The following C3orf49 variants were observed in gnomAD, a reference collection of about 807,000 sequenced individuals.
The protein encoded by C3orf49 is putative uncharacterized protein C3orf49.
A neutral mutation model predicts 13.3 loss-of-function variants in C3orf49; 27 were observed. The ratio of observed to expected loss-of-function variants is 2.02; its 90% CI spans 1.49 to 2.79. The LOEUF (loss-of-function observed/expected upper bound fraction) is 2.79. C3orf49 is among the 30% of genes most tolerant of loss of function. The probability of loss-of-function intolerance (pLI) is 0.00; values close to 1 mark genes in which losing one functional copy is unlikely to be tolerated. For missense variants in C3orf49, 242 were observed against 134.2 expected, an observed-to-expected ratio of 1.80 and a Z score of -3.97; for synonymous variants, 87 against 47.6, an observed-to-expected ratio of 1.83 and a Z score of -3.40.
the C3orf49 span, among the ~76,000 whole-genome samples, chr3:63,812,390 C>T: frequency 6.6e-6 from 1 of 152,168 alleles, no homozygotes; most frequent in Non-Finnish European, 1.5e-5. Flanking sequence ...GGTCCACGGG[C>T]CACACGTTGG....
chr3:63,798,665 T>C, the C3orf49 span, among the ~76,000 whole-genome samples: 23 of 152,152 alleles, frequency 1.5e-4, no homozygotes, highest in Non-Finnish European at 2.8e-4. Context: ...ATGAATATTG[T>C]AACCCAGTCA....
rs1020119136 is a variant in C3orf49, at chr3:63,819,555, C to G, written c.84C>G (p.Leu28=). ...GACAGTGCCGAAGATTCCAGCAACT[C>G]AAGAAGAAAAATGGCTCATTCAAAA... ...KVGQCRRFQQ[L]KKKNGSFKRK... is the part of the protein sequence containing the mutation. Residue 28 remains leucine, a synonymous_variant, in exon 1 of 7, where the codon CTC becomes CTG. Coordinates refer to ENST00000295896, the MANE Select transcript of C3orf49 (RefSeq NM_001355236.2). 1.3e-5 allele frequency: 9 copies of G among 703,320 alleles called. No individual in the cohort carries two copies. Among genetic ancestry groups the G allele is most frequent in the Non-Finnish European group, 2.1e-5 (8 of 385,038 alleles). The allele number at this position is 703,320 out of a possible 1,614,324, so 43.6% of individuals were successfully genotyped here. A position where few individuals can be genotyped will look rare whatever the true frequency, so the allele number is the denominator to read the frequency against.
chr3:63,831,311 G>A, intron 4 of C3orf49, 88 bp downstream of exon 4: 4 of 643,046 alleles, frequency 6.2e-6, no homozygotes, highest in Non-Finnish European at 5.5e-6. Flanking sequence ...AGACAGCATG[G>A]GTGTGGGATG....
chr3:63,797,208 G>A, the C3orf49 span, among the ~76,000 whole-genome samples: 3 of 151,968 alleles, frequency 2.0e-5, no homozygotes, highest in Non-Finnish European at 2.9e-5. Flanking sequence ...CCTCTGGCAT[G>A]TTTCAAGATT....
At chr3:63,826,513 T>G (rs1403918029) in intron 2 of C3orf49, among the ~76,000 whole-genome samples, 1 of 152,120 alleles carries the variant, frequency 6.6e-6, no homozygotes, top group Non-Finnish European at 1.5e-5. Flanking sequence ...TTCACTAATA[T>G]AAGGAGCAAT....
At chr3:63,823,113 A>T (rs951720239) in intron 1 of C3orf49, 137 bp from the exon 2 acceptor site, 3 of 578,584 alleles carry the variant, frequency 5.2e-6, no homozygotes, top group African/African-American at 3.8e-5. Context: ...CTGTGATTTG[A>T]TTCTTGGTCT....
At chr3:63,836,414 AAAC>A in intron 5 of C3orf49, 2 of 1,534,746 alleles carry the variant, frequency 1.3e-6, no homozygotes, top group Non-Finnish European at 1.8e-6. Context: ...TGAATTATCA[AAAC>A]AAAATGTGTA....
chr3:63,788,546 G>A, the C3orf49 span, among the ~76,000 whole-genome samples: 1 of 152,120 alleles, frequency 6.6e-6, no homozygotes, highest in Non-Finnish European at 1.5e-5. Context: ...GACAGAAGGG[G>A]AGGACAAGGC....
intron 5 of C3orf49, among the ~76,000 whole-genome samples, chr3:63,838,721 GTTC>G (rs141638744): frequency 0.027 from 4,079 of 152,174 alleles, 87 homozygotes; most frequent in South Asian, 0.051. Context: ...TGGGATTGTT[GTTC>G]TTATCAATGC....
At chr3:63,836,623 G>A (rs1186610892) in intron 5 of C3orf49, among the ~76,000 whole-genome samples, 1 of 151,850 alleles carries the variant, frequency 6.6e-6, no homozygotes, top group Non-Finnish European at 1.5e-5. Flanking sequence ...GTCAGCATAA[G>A]CATAAGCAAA....
Position 63,819,503 on chromosome 3 carries a change from C to G in C3orf49, c.32C>G (p.Pro11Arg), listed in dbSNP as rs1258215680. 1 of 702,990 alleles carries G rather than the reference C, an allele frequency of 1.4e-6. No individual in the cohort carries two copies. Among genetic ancestry groups the G allele is most frequent in the Non-Finnish European group, 2.6e-6 (1 of 384,956 alleles). 43.5% of individuals were successfully genotyped at this position (702,990 alleles called of 1,614,324 possible). A position where few individuals can be genotyped will look rare whatever the true frequency, so the allele number is the denominator to read the frequency against. MAQPQLYLPEPFKIAYRKVGQ... is the reference protein window; with the variant it reads MAQPQLYLPERFKIAYRKVGQ... ...CAACCTCAGCTGTATCTACCAGAAC[C>G]CTTTAAGATTGCCTACAGAAAAGTT... Residue 11 changes from proline to arginine, a missense_variant, in exon 1 of 7, where the codon CCC becomes CGC. Coordinates refer to ENST00000295896, the MANE Select transcript of C3orf49 (RefSeq NM_001355236.2).
intron 1 of C3orf49, among the ~76,000 whole-genome samples, chr3:63,822,809 T>A (rs1701415683): frequency 6.6e-6 from 1 of 152,236 alleles, no homozygotes; most frequent in Non-Finnish European, 1.5e-5. Flanking sequence ...CTCTCTCATC[T>A]TTTATTACTT....
rs992479959 is a variant in C3orf49 at position 63,831,144 on chromosome 3, C to T, written c.605C>T (p.Pro202Leu). 6 of 702,722 alleles carry T rather than the reference C, an allele frequency of 8.5e-6. No homozygotes were observed. The highest frequency in any genetic ancestry group is 1.7e-5 in the African/African-American group (1 of 57,174). 43.5% of individuals were successfully genotyped at this position (702,722 alleles called of 1,614,324 possible). Residue 202 changes from proline (P) to leucine (L), a missense_variant, in exon 4 of 7, where the codon CCA (proline) becomes CTA (leucine). Transcript: ENST00000295896. ...TCACCAAAAAAGAGACCACACTTTC[C>T]AGCACTTAAAAAAAAGAAGCGTGGC... ...PYSPKKRPHF[P>L]ALKKKKRGME...
chr3:63,784,148 T>G, the C3orf49 span, among the ~76,000 whole-genome samples: 5 of 152,196 alleles, frequency 3.3e-5, no homozygotes, highest in African/African-American at 1.2e-4. Context: ...TTTATTCAAA[T>G]TCTGCAAACA....
Position 63,835,097 on chromosome 3 carries a change from C to A in C3orf49, c.849+3253C>A, listed in dbSNP as rs1326538377. ...AAGATGTATATTTCAAAAGGTACAT[C>A]CCTGGGTCATTTAAAAAATCTTCAT... On this transcript the variant is annotated intron_variant, in intron 5 of 6. Coordinates refer to ENST00000295896, the MANE Select transcript of C3orf49 (RefSeq NM_001355236.2). 4.5e-6 allele frequency: 7 copies of A among 1,542,310 alleles called. No individual in the cohort carries two copies. The Admixed American group carries it at 1.2e-4, about 27-fold the overall frequency.
rs1458583055 is a variant in C3orf49, at chr3:63,831,097, A to AT, written c.571-8dup. 1 of 695,212 alleles carries AT rather than the reference A, an allele frequency of 1.4e-6. No homozygotes were observed. The highest frequency in any genetic ancestry group is 2.7e-5 in the East Asian group (1 of 37,244). The allele number at this position is 695,212 out of a possible 1,614,324, so 43.1% of individuals were successfully genotyped here. On this transcript the variant is annotated splice_polypyrimidine_tract_variant and intron_variant, in intron 3 of 6. Transcript: ENST00000295896. ...TAGTTCCTAATCTGATGTGTTTTGC[A>AT]TTTTTACCATAGGGGCCATATTCAC...
At chr3:63,821,003 G>C (rs1364042635) in intron 1 of C3orf49, among the ~76,000 whole-genome samples, 1 of 152,086 alleles carries the variant, frequency 6.6e-6, no homozygotes, top group Non-Finnish European at 1.5e-5. Flanking sequence ...TTTCCCCACT[G>C]TTCTGATCCA....
intron 5 of C3orf49, chr3:63,833,868 T>A (rs1701569327): frequency 2.7e-6 from 1 of 364,008 alleles, no homozygotes; most frequent in South Asian, 5.2e-5. Flanking sequence ...AGCACAAACA[T>A]ATGCAGCTTA....
intron 3 of C3orf49, among the ~76,000 whole-genome samples, chr3:63,829,571 A>T (rs1417809256): frequency 7.2e-5 from 11 of 152,234 alleles, no homozygotes. Flanking sequence ...CAATTTGGCT[A>T]TGATTAAGAA....
Sources: gnomAD v4.1 joint callset for allele counts (sites outside exome capture counted in the v4.1 genomes callset) on GRCh38, gnomAD v4.1.1 for gene constraint, MANE v1.5 for transcripts, NCBI Gene and HGNC (gene_info 2026-07-23, HGNC 2026-07-21) for gene names.